KRTCAP2: variants seen among roughly 807,000 people sequenced by gnomAD.
The protein encoded by KRTCAP2 is keratinocyte associated protein 2.
In KRTCAP2, 10 loss-of-function variants were observed where a neutral mutation model predicts 16.5. The ratio of observed to expected loss-of-function variants is 0.60; its 90% CI spans 0.37 to 1.02. The LOEUF (loss-of-function observed/expected upper bound fraction) is 1.02. Among genes scored for constraint, KRTCAP2 ranks in the 50% least tolerant of loss-of-function variants. KRTCAP2 has a pLI of 0.01. For synonymous variants in KRTCAP2, 68 were observed against 69.8 expected (o/e 0.97, Z 0.13); for missense variants, 152 against 159.6 (o/e 0.95, Z 0.26).
chr1:155,173,228 G>A lies in KRTCAP2; in HGVS notation c.-4C>T, dbSNP rs755767273. ...CCCCACCGGTCCTGTTACCCATCAT[G>A]CCCCGCCCGTGAGTCCAACCGGCGC... On this transcript the variant is annotated 5_prime_UTR_variant, in exon 1 of 5. Coordinates refer to ENST00000295682, the MANE Select transcript of KRTCAP2 (RefSeq NM_173852.4). 6.2e-7 allele frequency: 1 copy of A among 1,613,754 alleles called. No individual in the cohort carries two copies. Among genetic ancestry groups the A allele is most frequent in the South Asian group, 1.1e-5 (1 of 91,058 alleles).
Position 155,169,859 on chromosome 1 carries a change from T to G in KRTCAP2, c.224-2A>C. 1 of 1,582,966 alleles carries G rather than the reference T, an allele frequency of 6.3e-7. No individual in the cohort carries two copies. The highest frequency in any genetic ancestry group is 8.6e-7 in the Non-Finnish European group (1 of 1,162,948). ...GAGCCAACAGGAGGCACAGGAGAACTAGGGAGGCAAGAAGAACAAGGAGGG... is the reference window on the plus strand; with the variant it reads ...GAGCCAACAGGAGGCACAGGAGAACGAGGGAGGCAAGAAGAACAAGGAGGG... On this transcript the variant is annotated splice_acceptor_variant, in intron 3 of 4. Transcript: ENST00000295682. LOFTEE classifies it high-confidence loss of function.
At chr1:155,170,404 C>T (rs1665204434) in intron 3 of KRTCAP2, 1 of 152,080 alleles carries the variant, frequency 6.6e-6, no homozygotes, top group Admixed American at 6.5e-5. Context: ...CAGCTCTGCC[C>T]CATATCTCAC....
chr1:155,171,625 A>G, intron 3 of KRTCAP2: 1 of 952,360 alleles, frequency 1.1e-6, no homozygotes, highest in Non-Finnish European at 1.3e-6. Context: ...TGGGAGGCTG[A>G]AATAGGAGGA....
In KRTCAP2 at chr1:155,169,537, A is replaced by C. The variant is rs1369697087; in HGVS notation, c.314T>G (p.Leu105Arg). 6.2e-7 allele frequency: 1 copy of C among 1,614,006 alleles called. No homozygotes were observed. Among genetic ancestry groups the C allele is most frequent in the Admixed American group, 1.7e-5 (1 of 60,006 alleles). ...GGAGGAGATCTTGTTGATGTAGTACAGACCAACCATGGAGAAGATGAAGCT... is the reference window on the plus strand; with the variant it reads ...GGAGGAGATCTTGTTGATGTAGTACCGACCAACCATGGAGAAGATGAAGCT... ...TTCFIFSMVG[L>R]YYINKISSTL... The change falls in exon 5 of 5, where the codon CTG (leucine) becomes CGG (arginine). Residue 105 changes from leucine (L) to arginine (R), a missense_variant. Transcript: ENST00000295682.
Position 155,171,932 on chromosome 1 carries a change from A to T in KRTCAP2, c.223+633T>A, listed in dbSNP as rs555297910. 1.2e-4 allele frequency: 122 copies of T among 985,710 alleles called. No homozygotes were observed. The Middle Eastern group carries it at 2.1e-3, about 17-fold the overall frequency. 61.1% of individuals were successfully genotyped at this position (985,710 alleles called of 1,614,324 possible). On this transcript the variant is annotated intron_variant, in intron 3 of 4. Transcript: ENST00000295682. ...TTACCACATGAGGGTTTTACATGAG[A>T]TTGCATCTGCTGTGAATTTCTGAGC...
intron 3 of KRTCAP2, chr1:155,171,085 CA>C (rs1665224318): frequency 6.6e-6 from 1 of 152,302 alleles, no homozygotes; most frequent in South Asian, 2.1e-4. Context: ...GCTAGGATTA[CA>C]GGCGTGTGCC....
intron 3 of KRTCAP2, chr1:155,170,360 AAG>A (rs1665203361): frequency 6.6e-6 from 1 of 152,100 alleles, no homozygotes; most frequent in Admixed American, 6.5e-5. Context: ...AAAAAAAAAA[AAG>A]AACATGGATG....
chr1:155,171,927 A>G, intron 3 of KRTCAP2: 1 of 985,802 alleles, frequency 1.0e-6, no homozygotes, highest in Non-Finnish European at 1.2e-6. Context: ...AGGGTTTTAC[A>G]TGAGATTGCA....
chr1:155,169,920 T>C (rs945352403), intron 3 of KRTCAP2, 63 bp from the exon 4 acceptor site: 2 of 1,118,042 alleles, frequency 1.8e-6, no homozygotes, highest in Admixed American at 4.0e-5. Flanking sequence ...CATCTGCACA[T>C]GGAGTCCAGG....
intron 3 of KRTCAP2, chr1:155,172,191 C>T (rs1665273540): frequency 9.2e-7 from 1 of 1,091,620 alleles, no homozygotes; most frequent in Non-Finnish European, 1.1e-6. Flanking sequence ...GTAGAATTCT[C>T]TAATATTGAG....
rs1035495283 is a variant in KRTCAP2 at position 155,169,695 on chromosome 1, G to A, written c.290+96C>T. 3 of 1,351,802 alleles carry A rather than the reference G, an allele frequency of 2.2e-6. No individual in the cohort carries two copies. The Admixed American group carries it at 6.0e-5, about 27-fold the overall frequency. 83.7% of individuals were successfully genotyped at this position (1,351,802 alleles called of 1,614,324 possible). A position where few individuals can be genotyped will look rare whatever the true frequency, so the allele number is the denominator to read the frequency against. On this transcript the variant is annotated intron_variant, in intron 4 of 4. Coordinates refer to ENST00000295682, the MANE Select transcript of KRTCAP2 (RefSeq NM_173852.4). ...AACGGGGAGGGAGAACAGAGAGAGAGGTAGGTGTGGAAGGAAAAACTCTGG... is the reference window on the plus strand; with the variant it reads ...AACGGGGAGGGAGAACAGAGAGAGAAGTAGGTGTGGAAGGAAAAACTCTGG...
At chr1:155,169,715 C>T (rs1230465849) in intron 4 of KRTCAP2, 76 bp downstream of exon 4, 1 of 1,401,406 alleles carries the variant, frequency 7.1e-7, no homozygotes, top group Non-Finnish European at 9.9e-7. Context: ...GAAGGAAAAA[C>T]TCTGGCACCA....
At position 155,169,799 on chromosome 1, in the gene KRTCAP2, GAC is replaced by G; in HGVS notation, c.280_281del (p.Val94HisfsTer49). ...AGCTGTCAAGAACATACCAGGTGGT[GAC>G]ACAGACTCGGTGGATGAGGCCAGAT... ...FASGLIHRVC[V>X]TTCFIFSMVG... On this transcript the variant is annotated frameshift_variant, in exon 4 of 5. Transcript: ENST00000295682. LOFTEE classifies it high-confidence loss of function. 6.3e-7 allele frequency: 1 copy of G among 1,595,126 alleles called. No individual in the cohort carries two copies. The highest frequency in any genetic ancestry group is 2.3e-5 in the East Asian group (1 of 44,376).
Position 155,173,289 on chromosome 1 carries a change from T to A in KRTCAP2, c.-65A>T, listed in dbSNP as rs1373635177. ...GAAAGGCGAGCTGAACCGGGTGCGG[T>A]TAGCTATGCGCATGCGTCAGCGCTT... On this transcript the variant is annotated 5_prime_UTR_variant, in exon 1 of 5. Transcript: ENST00000295682. 6.2e-7 allele frequency: 1 copy of A among 1,613,916 alleles called. No homozygotes were observed. The highest frequency in any genetic ancestry group is 1.7e-5 in the Admixed American group (1 of 60,006).
At chr1:155,171,366 C>G (rs1665233042) in intron 3 of KRTCAP2, 1 of 780,140 alleles carries the variant, frequency 1.3e-6, no homozygotes, top group South Asian at 5.8e-5. Flanking sequence ...CTCCAGTGAG[C>G]TGGGTTCACA....
chr1:155,170,217 G>A (rs954352659), intron 3 of KRTCAP2: 3 of 174,210 alleles, frequency 1.7e-5, no homozygotes, highest in Non-Finnish European at 3.7e-5. Flanking sequence ...ACACATGCCT[G>A]TAGTCCCAGC....
Position 155,173,228 on chromosome 1 carries a change from G to T in KRTCAP2, c.-4C>A, listed in dbSNP as rs755767273. The T allele has an allele frequency of 1.2e-6, 2 of 1,613,752 alleles. No homozygotes were observed. Among genetic ancestry groups the T allele is most frequent in the East Asian group, 4.5e-5 (2 of 44,888 alleles). On this transcript the variant is annotated 5_prime_UTR_variant, in exon 1 of 5. Coordinates refer to ENST00000295682, the MANE Select transcript of KRTCAP2 (RefSeq NM_173852.4). ...CCCCACCGGTCCTGTTACCCATCAT[G>T]CCCCGCCCGTGAGTCCAACCGGCGC...
chr1:155,171,293 C>T, intron 3 of KRTCAP2: 1 of 195,360 alleles, frequency 5.1e-6, no homozygotes, highest in Non-Finnish European at 9.3e-6. Context: ...GTGGCGCACG[C>T]ATGTAATCCC....
At chr1:155,170,741 G>C (rs1206958023) in intron 3 of KRTCAP2, 1 of 152,244 alleles carries the variant, frequency 6.6e-6, no homozygotes, top group Non-Finnish European at 1.5e-5. Context: ...TGCCCAGGTG[G>C]AGAGGGCAGA....
Sources: allele counts gnomAD v4.1 joint callset, GRCh38; gene constraint gnomAD v4.1.1; transcripts MANE v1.5; gene names NCBI Gene and HGNC (gene_info 2026-07-23, HGNC 2026-07-21).